ATP5MG: variants seen among roughly 807,000 people sequenced by gnomAD.
ATP5MG encodes the protein ATP synthase F(0) complex subunit g, mitochondrial.
A neutral mutation model predicts 12.7 loss-of-function variants in ATP5MG; 7 were observed. That is an observed-to-expected ratio of 0.55 (90% CI 0.31 to 1.04). The LOEUF (loss-of-function observed/expected upper bound fraction) is 1.04. ATP5MG is among the 50% of genes least tolerant of loss of function. The probability of loss-of-function intolerance (pLI) is 0.05; values close to 1 mark genes in which losing one functional copy is unlikely to be tolerated. For synonymous variants in ATP5MG, 53 were observed against 48.2 expected, an observed-to-expected ratio of 1.10 and a Z score of -0.41; for missense variants, 116 against 126.7, an observed-to-expected ratio of 0.92 and a Z score of 0.41.
Position 118,409,063 on chromosome 11 carries a change from A to G in ATP5MG, c.277A>G (p.Ile93Val), listed in dbSNP as rs782613159. 6.2e-7 allele frequency: 1 copy of G among 1,608,038 alleles called. No individual in the cohort carries two copies. The highest frequency in any genetic ancestry group is 8.5e-7 in the Non-Finnish European group (1 of 1,176,916). The change falls in exon 3 of 3, where the codon ATA becomes GTA. Residue 93 changes from isoleucine (I) to valine (V), a missense_variant. Physicochemically the swap from Ile to Val is conservative, Grantham distance 29. Coordinates refer to ENST00000300688, the MANE Select transcript of ATP5MG (RefSeq NM_006476.5). ...GATGTGGTTTTATGTCGGAGAGATTATAGGCAAGCGGGGCATCATTGGCTA... is the reference window on the plus strand; with the variant it reads ...GATGTGGTTTTATGTCGGAGAGATTGTAGGCAAGCGGGGCATCATTGGCTA... ...VLMWFYVGEI[I>V]GKRGIIGYDV
intron 1 of ATP5MG, chr11:118,401,973 A>G (rs997215323): frequency 1.5e-5 from 7 of 457,374 alleles, no homozygotes; most frequent in Non-Finnish European, 2.7e-5. Flanking sequence ...AGGTAGTGTG[A>G]AGGAAGCCCG....
In ATP5MG at chr11:118,409,222, A is replaced by C. The variant is rs1555132680; in HGVS notation, c.*124A>C. 2 of 529,520 alleles carry C rather than the reference A, an allele frequency of 3.8e-6. No homozygotes were observed. Among genetic ancestry groups the C allele is most frequent in the African/African-American group, 4.0e-5 (2 of 49,646 alleles). 32.8% of individuals were successfully genotyped at this position (529,520 alleles called of 1,614,324 possible). A position where few individuals can be genotyped will look rare whatever the true frequency, so the allele number is the denominator to read the frequency against. ...AAACTCAGTGTTTTCTCCATCAGAT[A>C]CTCCATGAAAGGTCACAATTTCTCT... On this transcript the variant is annotated 3_prime_UTR_variant, in exon 3 of 3. Transcript: ENST00000300688.
At chr11:118,401,988 T>TG in intron 1 of ATP5MG, 1 of 440,220 alleles carries the variant, frequency 2.3e-6, no homozygotes, top group Non-Finnish European at 4.1e-6. Context: ...AGCCCGGCGT[T>TG]GCCCGGCAGC....
intron 1 of ATP5MG, among the ~76,000 whole-genome samples, chr11:118,402,631 G>A (rs1235261066): frequency 1.3e-5 from 2 of 151,088 alleles, no homozygotes; most frequent in Non-Finnish European, 3.0e-5. Context: ...CAAAAAAAAT[G>A]TAATACTTTC....
chr11:118,407,699 C>A (rs1230728043), intron 2 of ATP5MG, among the ~76,000 whole-genome samples: 2 of 151,910 alleles, frequency 1.3e-5, no homozygotes, highest in African/African-American at 4.8e-5. Flanking sequence ...AAGGCCCTAT[C>A]TCTATCCAAA....
At chr11:118,403,540 A>G (rs546526126) in intron 1 of ATP5MG, among the ~76,000 whole-genome samples, 1 of 151,870 alleles carries the variant, frequency 6.6e-6, no homozygotes, top group African/African-American at 2.4e-5. Context: ...TCACGCCTGT[A>G]ATCCCAGCAC....
At chr11:118,401,750 C>A (rs925166705) in intron 1 of ATP5MG, 33 bp downstream of exon 1, 1 of 1,604,302 alleles carries the variant, frequency 6.2e-7, no homozygotes, top group African/African-American at 1.3e-5. Flanking sequence ...GAGGCGGGCA[C>A]ACGGGCGGCA....
intron 1 of ATP5MG, among the ~76,000 whole-genome samples, chr11:118,402,075 G>A (rs1253112379): frequency 1.3e-5 from 2 of 152,194 alleles, no homozygotes; most frequent in Admixed American, 6.5e-5. Context: ...GCTAAGAAAA[G>A]GAAGGGCAGA....
At chr11:118,405,858 A>G in intron 1 of ATP5MG, 1 of 273,026 alleles carries the variant, frequency 3.7e-6, no homozygotes, top group Non-Finnish European at 5.6e-6. Flanking sequence ...TGCTATTTTT[A>G]TTACGTTTCT....
At chr11:118,401,852 G>A in intron 1 of ATP5MG, 135 bp downstream of exon 1, 2 of 1,074,856 alleles carry the variant, frequency 1.9e-6, no homozygotes, top group East Asian at 2.6e-5. Context: ...CAGGTGGAGG[G>A]AGCAGGAAGC....
chr11:118,405,758 A>G (rs782578034), intron 1 of ATP5MG: 7 of 968,044 alleles, frequency 7.2e-6, no homozygotes, highest in African/African-American at 1.8e-5. Flanking sequence ...AGTAATTCAG[A>G]AATACTCAAA....
intron 2 of ATP5MG, chr11:118,407,627 G>A: frequency 6.4e-6 from 1 of 155,776 alleles, no homozygotes; most frequent in Non-Finnish European, 1.4e-5. Context: ...CAGTACTTTG[G>A]GAGGCCAAAG....
intron 1 of ATP5MG, chr11:118,406,554 T>C: frequency 5.2e-6 from 1 of 193,556 alleles, no homozygotes; most frequent in South Asian, 9.9e-5. Flanking sequence ...TCAAATTTGC[T>C]GGTCTCTCTC....
intron 2 of ATP5MG, among the ~76,000 whole-genome samples, chr11:118,408,633 A>G (rs1555132505): frequency 6.6e-6 from 1 of 152,208 alleles, no homozygotes; most frequent in Non-Finnish European, 1.5e-5. Flanking sequence ...CGGCCTTCCT[A>G]TAGCCATCCT....
intron 1 of ATP5MG, chr11:118,405,634 T>C: frequency 1.0e-6 from 1 of 985,066 alleles, no homozygotes. Context: ...ATTGTGCTTT[T>C]TTTTTATTGT....
At chr11:118,408,621 C>G (rs1484364192) in intron 2 of ATP5MG, among the ~76,000 whole-genome samples, 1 of 152,180 alleles carries the variant, frequency 6.6e-6, no homozygotes, top group African/African-American at 2.4e-5. Flanking sequence ...TATTCAGAGA[C>G]TCGGCCTTCC....
chr11:118,408,930 AATATATATAT>A (rs373160251), intron 2 of ATP5MG, 60 bp from the exon 3 acceptor site: 1 of 373,304 alleles, frequency 2.7e-6, no homozygotes, highest in South Asian at 7.6e-5. Flanking sequence ...AATAGTTTCA[AATATATATAT>A]ATATATATAA....
intron 1 of ATP5MG, among the ~76,000 whole-genome samples, chr11:118,405,320 A>G (rs555987883): frequency 6.6e-6 from 1 of 152,290 alleles, no homozygotes; most frequent in African/African-American, 2.4e-5. Context: ...GTCTGTGTAT[A>G]TATTAAGCTA....
At chr11:118,407,974 A>T (rs1163594006) in intron 2 of ATP5MG, among the ~76,000 whole-genome samples, 4 of 152,302 alleles carry the variant, frequency 2.6e-5, no homozygotes, top group African/African-American at 9.6e-5. Context: ...CATCCTGGCT[A>T]ACACGGTGAA....
Sources: gnomAD v4.1 joint callset for allele counts (sites outside exome capture counted in the v4.1 genomes callset) on GRCh38, gnomAD v4.1.1 for gene constraint, MANE v1.5 for transcripts, NCBI Gene and HGNC (gene_info 2026-07-23, HGNC 2026-07-21) for gene names.